Variants in CACNA2D3 observed in about 807,000 individuals in gnomAD.
The protein encoded by CACNA2D3 is calcium voltage-gated channel auxiliary subunit alpha2delta 3.
CACNA2D3 carries 60 observed loss-of-function variants against 160.6 expected under a neutral mutation model. The ratio of observed to expected loss-of-function variants is 0.37; its 90% confidence interval spans 0.30 to 0.46. The LOEUF (loss-of-function observed/expected upper bound fraction) is 0.46. Among genes scored for constraint, CACNA2D3 ranks in the 20% least tolerant of loss-of-function variants. The pLI, the probability that CACNA2D3 is intolerant of heterozygous loss-of-function variation, is 1.00. For synonymous variants in CACNA2D3, 558 were observed against 492.9 expected (o/e 1.13, Z -1.75); for missense variants, 1,205 against 1,365.0 (o/e 0.88, Z 1.85).
chr3:54,179,273 C>G (rs566941973), intron 2 of CACNA2D3, among the ~76,000 whole-genome samples: 1 of 152,338 alleles, frequency 6.6e-6, no homozygotes, highest in South Asian at 2.1e-4. Context: ...GTCAGTACCT[C>G]AGAAGTTGCC....
chr3:54,253,025 C>T (rs1479366873), intron 2 of CACNA2D3, among the ~76,000 whole-genome samples: 4 of 151,572 alleles, frequency 2.6e-5, no homozygotes, highest in African/African-American at 7.3e-5. Flanking sequence ...CTGAATCATT[C>T]GGTGCCCATT....
At chr3:55,003,592 A>C (rs1221284450) in intron 31 of CACNA2D3, among the ~76,000 whole-genome samples, 1 of 152,100 alleles carries the variant, frequency 6.6e-6, no homozygotes, top group Non-Finnish European at 1.5e-5. Context: ...TAGGGGAGGG[A>C]AAAGGGGGAA....
At chr3:54,369,271 T>TAA (rs373087511) in intron 3 of CACNA2D3, among the ~76,000 whole-genome samples, 109 of 145,752 alleles carry the variant, frequency 7.5e-4, no homozygotes, top group African/African-American at 2.6e-3. Flanking sequence ...ACACAAACCT[T>TAA]AAAAAAAAAA....
At chr3:54,303,456 T>G (rs1159473603) in intron 2 of CACNA2D3, among the ~76,000 whole-genome samples, 1 of 152,232 alleles carries the variant, frequency 6.6e-6, no homozygotes, top group Non-Finnish European at 1.5e-5. Context: ...ACTGGACGAG[T>G]GCATATATCA....
At chr3:54,714,403 T>G (rs567076570) in intron 11 of CACNA2D3, among the ~76,000 whole-genome samples, 1 of 152,206 alleles carries the variant, frequency 6.6e-6, no homozygotes, top group Admixed American at 6.5e-5. Flanking sequence ...GTGAGTTGTC[T>G]TAACAGGATG....
At chr3:54,922,367 T>C (rs1001965069) in intron 27 of CACNA2D3, among the ~76,000 whole-genome samples, 3 of 151,720 alleles carry the variant, frequency 2.0e-5, no homozygotes, top group Admixed American at 6.6e-5. Context: ...ATGAAAACTA[T>C]CTTTCTGTGT....
At chr3:54,513,672 T>C (rs1447031350) in intron 5 of CACNA2D3, among the ~76,000 whole-genome samples, 1 of 138,340 alleles carries the variant, frequency 7.2e-6, no homozygotes, top group Non-Finnish European at 1.5e-5. Flanking sequence ...ATGCCTGTTT[T>C]TGTTTGTTTG....
At chr3:54,409,140 C>T (rs1192896274) in intron 4 of CACNA2D3, among the ~76,000 whole-genome samples, 1 of 152,152 alleles carries the variant, frequency 6.6e-6, no homozygotes, top group Non-Finnish European at 1.5e-5. Flanking sequence ...TTATAGCAAC[C>T]CTGAGTTGAA....
chr3:54,971,806 GTGACTC>G (rs1439046885), intron 29 of CACNA2D3, among the ~76,000 whole-genome samples: 1 of 152,252 alleles, frequency 6.6e-6, no homozygotes, highest in East Asian at 1.9e-4. Flanking sequence ...GCTTCAAGTC[GTGACTC>G]TGACAGTAAT....
chr3:54,197,169 G>T (rs778796564), intron 2 of CACNA2D3, among the ~76,000 whole-genome samples: 5 of 152,086 alleles, frequency 3.3e-5, no homozygotes, highest in African/African-American at 9.7e-5. Flanking sequence ...ATCCTCCTGA[G>T]CAGGAAAGGG....
At chr3:54,858,398 G>A (rs1699216507) in intron 17 of CACNA2D3, among the ~76,000 whole-genome samples, 1 of 152,126 alleles carries the variant, frequency 6.6e-6, no homozygotes, top group African/African-American at 2.4e-5. Flanking sequence ...CCGGGGGTAG[G>A]AATACACAGG....
At chr3:54,185,444 T>G (rs958481931) in intron 2 of CACNA2D3, among the ~76,000 whole-genome samples, 1 of 152,220 alleles carries the variant, frequency 6.6e-6, no homozygotes, top group African/African-American at 2.4e-5. Context: ...TCTCTCAAAC[T>G]TATTTAAGAT....
chr3:54,141,790 A>T (rs539021227), intron 2 of CACNA2D3, among the ~76,000 whole-genome samples: 15 of 152,352 alleles, frequency 9.8e-5, no homozygotes, highest in African/African-American at 3.6e-4. Flanking sequence ...CAGAAGCACA[A>T]GAAAACAACC....
chr3:54,541,966 A>G (rs1701987559), intron 5 of CACNA2D3, among the ~76,000 whole-genome samples: 1 of 150,578 alleles, frequency 6.6e-6, no homozygotes, highest in Non-Finnish European at 1.5e-5. Flanking sequence ...CAATTTTTGC[A>G]AGTTTTTTGA....
intron 9 of CACNA2D3, among the ~76,000 whole-genome samples, chr3:54,583,135 C>T (rs910478696): frequency 6.6e-6 from 1 of 152,064 alleles, no homozygotes; most frequent in African/African-American, 2.4e-5. Context: ...GATCTCATCC[C>T]TATTCCAATA....
intron 35 of CACNA2D3, among the ~76,000 whole-genome samples, chr3:55,054,507 T>C (rs1704314852): frequency 6.6e-6 from 1 of 151,458 alleles, no homozygotes; most frequent in Non-Finnish European, 1.5e-5. Flanking sequence ...TTCATTTATA[T>C]AGTTTACATA....
At chr3:54,260,936 C>A (rs11717269) in intron 2 of CACNA2D3, among the ~76,000 whole-genome samples, 26,508 of 152,178 alleles carry the variant, frequency 0.17, 2,506 homozygotes, top group Admixed American at 0.22. Context: ...TCATTTCCTC[C>A]AGTTCAGCTT....
intron 13 of CACNA2D3, among the ~76,000 whole-genome samples, chr3:54,799,142 A>G (rs139396641): frequency 1.1e-4 from 17 of 152,192 alleles, no homozygotes; most frequent in East Asian, 9.7e-4. Context: ...TTAGTGTGCA[A>G]TTTTACAGAA....
At chr3:54,777,730 T>G (rs1291464857) in intron 13 of CACNA2D3, among the ~76,000 whole-genome samples, 3 of 152,114 alleles carry the variant, frequency 2.0e-5, no homozygotes, top group South Asian at 2.1e-4. Context: ...AGCAGTTGTT[T>G]CCATGGAAAG....
Sources: allele counts gnomAD v4.1 joint callset (sites outside exome capture counted in the v4.1 genomes callset), GRCh38; gene constraint gnomAD v4.1.1; transcripts MANE v1.5; gene names NCBI Gene and HGNC (gene_info 2026-07-23, HGNC 2026-07-21).